STK11: variants seen among roughly 807,000 people sequenced by gnomAD.
STK11 encodes the protein serine/threonine kinase 11.
In STK11, 8 loss-of-function variants were observed where a neutral mutation model predicts 47.3. The ratio of observed to expected loss-of-function variants is 0.17; its 90% CI spans 0.10 to 0.31. The LOEUF is 0.31. Ranked by LOEUF, STK11 falls within the 10% of genes least tolerant of loss-of-function variation. The probability of loss-of-function intolerance (pLI) is 1.00; values close to 1 mark genes in which losing one functional copy is unlikely to be tolerated. For synonymous variants in STK11, 330 were observed against 255.8 expected, an observed-to-expected ratio of 1.29 and a Z score of -2.77; for missense variants, 475 against 605.0, an observed-to-expected ratio of 0.79 and a Z score of 2.25.
intron 8 of STK11, chr19:1,225,052 G>T: frequency 1.0e-6 from 1 of 985,802 alleles, no homozygotes; most frequent in Non-Finnish European, 1.2e-6. Context: ...CCCAGGATGC[G>T]GGTCCTGCTG....
At chr19:1,222,856 A>G in intron 7 of STK11, 129 bp from the exon 8 acceptor site, 1 of 1,097,250 alleles carries the variant, frequency 9.1e-7, no homozygotes, top group Non-Finnish European at 1.3e-6. Flanking sequence ...GGTCACAGCC[A>G]CCCCTTGCAC....
chr19:1,224,783 G>C (rs2080809385), intron 8 of STK11: 1 of 985,498 alleles, frequency 1.0e-6, no homozygotes, highest in Admixed American at 6.1e-5. Flanking sequence ...CCAGCAGGGG[G>C]AAGGGCCGCC....
intron 1 of STK11, among the ~76,000 whole-genome samples, chr19:1,208,544 G>A (rs1332917629): frequency 6.7e-6 from 1 of 148,166 alleles, no homozygotes; most frequent in Admixed American, 6.8e-5. Flanking sequence ...TCCTGACCTC[G>A]TGATCCGCCC....
intron 2 of STK11, among the ~76,000 whole-genome samples, chr19:1,218,812 G>A (rs1048728101): frequency 6.6e-6 from 1 of 152,196 alleles, no homozygotes; most frequent in Non-Finnish European, 1.5e-5. Context: ...CGGGCTGACC[G>A]TTGTGGGCCA....
chr19:1,214,312 G>T (rs957489902), intron 1 of STK11, among the ~76,000 whole-genome samples: 1 of 152,230 alleles, frequency 6.6e-6, no homozygotes, highest in East Asian at 1.9e-4. Context: ...GGGGACGCAC[G>T]TGCCTGCGCA....
intron 1 of STK11, among the ~76,000 whole-genome samples, chr19:1,213,848 G>T (rs2145415241): frequency 6.6e-6 from 1 of 152,332 alleles, no homozygotes; most frequent in South Asian, 2.1e-4. Flanking sequence ...GTCTCCATGT[G>T]CCTCCCAGTC....
intron 8 of STK11, chr19:1,224,552 G>A (rs749496328): frequency 1.2e-4 from 122 of 985,470 alleles, no homozygotes; most frequent in Non-Finnish European, 1.4e-4. Flanking sequence ...GGCAGGTTGC[G>A]AGAGTCCCTA....
At chr19:1,210,885 G>C (rs1289304898) in intron 1 of STK11, among the ~76,000 whole-genome samples, 2 of 151,824 alleles carry the variant, frequency 1.3e-5, no homozygotes, top group African/African-American at 4.8e-5. Context: ...GGCTGGGGCC[G>C]GGCGTGGTGG....
At chr19:1,216,430 A>G (rs1056468857) in intron 1 of STK11, 2 of 159,962 alleles carry the variant, frequency 1.3e-5, no homozygotes, top group African/African-American at 4.8e-5. Flanking sequence ...AAATACAAAA[A>G]TTAGCTGGGC....
chr19:1,214,074 G>A (rs2080729349), intron 1 of STK11, among the ~76,000 whole-genome samples: 1 of 152,250 alleles, frequency 6.6e-6, no homozygotes, highest in South Asian at 2.1e-4. Context: ...GTGGCACCTC[G>A]GAGCGGCTGG....
Position 1,206,864 on chromosome 19 carries a change from C to A in STK11, c.-50C>A, listed in dbSNP as rs2080669125. On this transcript the variant is annotated 5_prime_UTR_variant, in exon 1 of 10. Transcript: ENST00000326873. ...AGTCGGAACACAAGGAAGGACCGCT[C>A]ACCCGCGGACTCAGGGCTGGCGGCG... 1 of 1,525,164 alleles carries A rather than the reference C, an allele frequency of 6.6e-7. No homozygotes were observed. Among genetic ancestry groups the A allele is most frequent in the Non-Finnish European group, 8.9e-7 (1 of 1,128,266 alleles). The allele number at this position is 1,525,164 out of a possible 1,614,324, so 94.5% of individuals were successfully genotyped here.
At chr19:1,212,652 G>C (rs1260246238) in intron 1 of STK11, among the ~76,000 whole-genome samples, 3 of 152,046 alleles carry the variant, frequency 2.0e-5, no homozygotes, top group Non-Finnish European at 4.4e-5. Context: ...TGCAAGCTCC[G>C]CTTCAGCCTC....
intron 1 of STK11, among the ~76,000 whole-genome samples, chr19:1,214,473 C>T (rs1257787861): frequency 1.3e-5 from 2 of 152,190 alleles, no homozygotes; most frequent in Non-Finnish European, 2.9e-5. Flanking sequence ...CAGGGCAGGG[C>T]GCCTTCGGTG....
chr19:1,218,345 G>A, intron 1 of STK11, 72 bp from the exon 2 acceptor site: 1 of 1,279,162 alleles, frequency 7.8e-7, no homozygotes, highest in Non-Finnish European at 1.1e-6. Flanking sequence ...AGATGGGGAG[G>A]CCGACTCCAG....
intron 5 of STK11, 43 bp downstream of exon 5, chr19:1,220,760 CG>C: frequency 6.4e-7 from 1 of 1,564,392 alleles, no homozygotes; most frequent in South Asian, 1.2e-5. Flanking sequence ...ACGCACACTC[CG>C]AGGGGCCTCT....
At chr19:1,207,998 GC>G (rs1446799981) in intron 1 of STK11, among the ~76,000 whole-genome samples, 1 of 152,248 alleles carries the variant, frequency 6.6e-6, no homozygotes, top group Non-Finnish European at 1.5e-5. Flanking sequence ...GGGTGTCCCT[GC>G]CTTATCGCAG....
At chr19:1,221,155 C>T (rs2080780798) in intron 5 of STK11, 58 bp from the exon 6 acceptor site, 1 of 1,601,018 alleles carries the variant, frequency 6.2e-7, no homozygotes, top group Admixed American at 1.7e-5. Context: ...AGCTGGGGCT[C>T]CTAGGGCGTC....
rs1461940738 is a variant in STK11, at chr19:1,205,813, G to T, written c.-1101G>T. On this transcript the variant is annotated 5_prime_UTR_variant, in exon 1 of 10. Coordinates refer to ENST00000326873, the MANE Select transcript of STK11 (RefSeq NM_000455.5). ...AGATGGCGGCGGCGTGTCGGGCGCG[G>T]AAGGGGGAGGCGGCCCGGGGCGCCC... 1.9e-5 allele frequency: 4 copies of T among 207,148 alleles called. No homozygotes were observed. The East Asian group carries it at 2.1e-4, about 11-fold the overall frequency. 12.8% of individuals were successfully genotyped at this position (207,148 alleles called of 1,614,324 possible). A position where few individuals can be genotyped will look rare whatever the true frequency, so the allele number is the denominator to read the frequency against.
At chr19:1,222,310 C>G (rs1196938246) in intron 7 of STK11, among the ~76,000 whole-genome samples, 1 of 152,238 alleles carries the variant, frequency 6.6e-6, no homozygotes, top group Admixed American at 6.5e-5. Flanking sequence ...GAGAGCCTCT[C>G]TTTTTCCCCT....
Sources: gnomAD v4.1 joint callset for allele counts (sites outside exome capture counted in the v4.1 genomes callset) on GRCh38, gnomAD v4.1.1 for gene constraint, MANE v1.5 for transcripts, NCBI Gene and HGNC (gene_info 2026-07-23, HGNC 2026-07-21) for gene names.